LAMA5: variants seen among roughly 807,000 people sequenced by gnomAD.
The protein encoded by LAMA5 is laminin subunit alpha 5.
In LAMA5, 260 loss-of-function variants were observed where a neutral mutation model predicts 433.4. The ratio of observed to expected loss-of-function variants is 0.60; its 90% CI spans 0.54 to 0.66. The LOEUF is 0.66. Ranked by LOEUF, LAMA5 falls within the 30% of genes least tolerant of loss-of-function variation. The pLI is 0.00. For missense variants in LAMA5, 5,378 were observed against 5,258.5 expected (o/e 1.02, Z -0.70); for synonymous variants, 2,620 against 2,226.6 (o/e 1.18, Z -4.97).
intron 18 of LAMA5, among the ~76,000 whole-genome samples, 180 bp downstream of exon 18, chr20:62,336,160 T>C (rs1440549965): frequency 6.8e-5 from 8 of 117,930 alleles, no homozygotes; most frequent in East Asian, 2.8e-4. Flanking sequence ...AACATTCCCT[T>C]CAGGGCACAC....
intron 46 of LAMA5, 27 bp from the exon 47 acceptor site, chr20:62,322,476 G>A: frequency 6.4e-7 from 1 of 1,554,982 alleles, no homozygotes; most frequent in Non-Finnish European, 8.7e-7. Flanking sequence ...TCACTGCCCT[G>A]CCCAGCCCTC....
intron 48 of LAMA5, among the ~76,000 whole-genome samples, chr20:62,321,227 G>A (rs1413911520): frequency 8.0e-6 from 1 of 124,340 alleles, no homozygotes; most frequent in African/African-American, 3.2e-5. Flanking sequence ...GCCAGTGGAG[G>A]AGGCGGGGCC....
rs1986846836 is a variant in LAMA5 at position 62,367,279 on chromosome 20, G to A, written c.-34C>T. 1 of 1,143,994 alleles carries A rather than the reference G, an allele frequency of 8.7e-7. No individual in the cohort carries two copies. Among genetic ancestry groups the A allele is most frequent in the Non-Finnish European group, 1.1e-6 (1 of 932,266 alleles). 70.9% of individuals were successfully genotyped at this position (1,143,994 alleles called of 1,614,324 possible). ...CTCCGGGCCGCGTCCCCGAGCTCCA[G>A]GGACAGCGCGCGCGGCGGGAGCCCG... On this transcript the variant is annotated 5_prime_UTR_variant, in exon 1 of 80. Coordinates refer to ENST00000252999, the MANE Select transcript of LAMA5 (RefSeq NM_005560.6).
chr20:62,353,858 C>A (rs1044546628), intron 2 of LAMA5, among the ~76,000 whole-genome samples: 6 of 152,154 alleles, frequency 3.9e-5, no homozygotes, highest in African/African-American at 1.4e-4. Context: ...CCCACTGAGC[C>A]CCCAGGGACT....
At position 62,324,807 on chromosome 20, in the gene LAMA5, G is replaced by A; in HGVS notation, c.5530-253C>T. On this transcript the variant is annotated intron_variant, in intron 41 of 79. Coordinates refer to ENST00000252999, the MANE Select transcript of LAMA5 (RefSeq NM_005560.6). The surrounding 1 kb of genome is among the most constrained non-coding windows in gnomAD (Gnocchi z 4.4). The stretch of plus-strand genomic sequence containing the variant: ...GGATGTCCTGTCTCGGGAATGACCA[G>A]GCCTTGGGGCTGGTGACCACCCACT... The A allele has an allele frequency of 3.9e-6, 2 of 517,986 alleles. No individual in the cohort carries two copies. Among genetic ancestry groups the A allele is most frequent in the Non-Finnish European group, 7.0e-6 (2 of 284,748 alleles). 32.1% of individuals were successfully genotyped at this position (517,986 alleles called of 1,614,324 possible). A position where few individuals can be genotyped will look rare whatever the true frequency, so the allele number is the denominator to read the frequency against.
chr20:62,330,344 A>G, intron 31 of LAMA5, 144 bp downstream of exon 31: 1 of 1,224,604 alleles, frequency 8.2e-7, no homozygotes, highest in Non-Finnish European at 1.1e-6. Flanking sequence ...TGCGGGCTGC[A>G]AGGGCAGCTA....
At position 62,314,915 on chromosome 20, in the gene LAMA5, G is replaced by A. The variant is rs1804504630; in HGVS notation, c.8080C>T (p.Leu2694=). The change falls in exon 60 of 80, where the codon CTG becomes TTG. Residue 2694 remains leucine, a synonymous_variant. Coordinates refer to ENST00000252999, the MANE Select transcript of LAMA5 (RefSeq NM_005560.6). ...STLEKTLPQL[L]AKLSILENRG... ...TTCTCCAGGATGCTCAGCTTGGCCAGCAGCTGGGGCAGCGTCTTCTCCAGG... is the reference window on the plus strand; with the variant it reads ...TTCTCCAGGATGCTCAGCTTGGCCAACAGCTGGGGCAGCGTCTTCTCCAGG... The A allele has an allele frequency of 6.2e-7, 1 of 1,606,602 alleles. No homozygotes were observed. The highest frequency in any genetic ancestry group is 1.3e-5 in the African/African-American group (1 of 74,892).
Position 62,340,994 on chromosome 20 carries a change from G to A in LAMA5, c.1478-2386C>T, listed in dbSNP as rs982302794. 4.6e-5 allele frequency among the ~76,000 whole-genome samples: 7 copies of A among 152,026 alleles called. No homozygotes were observed. In the East Asian group the frequency reaches 9.7e-4, roughly 21 times the overall value. Reference sequence around the variant, plus strand: ...GTGGTGGTTGCAGTGAGCCGAGATCGTGCAACTGGACGCCAGCCTGGGTGA... The same window carrying A: ...GTGGTGGTTGCAGTGAGCCGAGATCATGCAACTGGACGCCAGCCTGGGTGA... On this transcript the variant is annotated intron_variant, in intron 11 of 79. Coordinates refer to ENST00000252999, the MANE Select transcript of LAMA5 (RefSeq NM_005560.6).
Position 62,310,788 on chromosome 20 carries a change from C to A in LAMA5, c.10323G>T (p.Thr3441=). Residue 3441 remains threonine (T), a synonymous_variant, in exon 75 of 80, where the codon ACG becomes ACT. Transcript: ENST00000252999. ...RWEKNRILLV[T]DGARAWSQEG... is the part of the protein sequence containing the mutation. ...CCTGGCTCCAGGCCCGGGCCCCGTC[C>A]GTCACCAGCAGGATCCGGTTCTTCT... 1 of 1,552,932 alleles carries A rather than the reference C, an allele frequency of 6.4e-7. No individual in the cohort carries two copies. The highest frequency in any genetic ancestry group is 1.2e-5 in the South Asian group (1 of 83,076).
chr20:62,318,901 G>T lies in LAMA5; in HGVS notation c.6984C>A (p.Ala2328=). The T allele has an allele frequency of 6.2e-7, 1 of 1,606,038 alleles. No homozygotes were observed. The highest frequency in any genetic ancestry group is 1.1e-5 in the South Asian group (1 of 90,508). Residue 2328 remains alanine, a synonymous_variant, in exon 52 of 80, where the codon GCC becomes GCA. Coordinates refer to ENST00000252999, the MANE Select transcript of LAMA5 (RefSeq NM_005560.6). Reference sequence around the variant, plus strand: ...CTGCCTGCGGGGCCCCCAGGTCCCGGGCCCGCATCTCCCAGAGCAGCCGCT... The same window carrying T: ...CTGCCTGCGGGGCCCCCAGGTCCCGTGCCCGCATCTCCCAGAGCAGCCGCT... ...EVERLLWEMR[A]RDLGAPQAAA...
Position 62,309,452 on chromosome 20 carries a change from G to GC in LAMA5, c.10971dup (p.Pro3658AlafsTer74). On this transcript the variant is annotated frameshift_variant, in exon 80 of 80. Coordinates refer to ENST00000252999, the MANE Select transcript of LAMA5 (RefSeq NM_005560.6). LOFTEE classifies it low-confidence loss of function (END_TRUNC). ...CTCATGCAGCCGCAGTAGGCGGGGG[G>GC]CCAGGGCTGCACGGCCATGGGCTCT... 1.9e-6 allele frequency: 3 copies of GC among 1,583,292 alleles called. No individual in the cohort carries two copies. The highest frequency in any genetic ancestry group is 2.6e-6 in the Non-Finnish European group (3 of 1,174,258).
At chr20:62,321,020 G>A (rs1184023498) in intron 48 of LAMA5, 130 bp from the exon 49 acceptor site, 2 of 965,812 alleles carry the variant, frequency 2.1e-6, no homozygotes, top group Non-Finnish European at 1.5e-6. Flanking sequence ...TAGGGACACA[G>A]GACCTGTGGG....
intron 1 of LAMA5, among the ~76,000 whole-genome samples, chr20:62,364,365 A>T (rs936250139): frequency 6.6e-6 from 1 of 152,200 alleles, no homozygotes; most frequent in Non-Finnish European, 1.5e-5. Flanking sequence ...ACACACGAGC[A>T]GCAGAGGGAA....
rs751550887 is a variant in LAMA5 at position 62,334,345 on chromosome 20, G to A, written c.2583-3C>T. 13 of 1,593,330 alleles carry A rather than the reference G, an allele frequency of 8.2e-6. No individual in the cohort carries two copies. In the East Asian group the frequency reaches 1.8e-4, roughly 22 times the overall value. On this transcript the variant is annotated splice_region_variant and splice_polypyrimidine_tract_variant and intron_variant, in intron 21 of 79. Transcript: ENST00000252999. The stretch of plus-strand genomic sequence containing the variant: ...GGAGGTAGTGGTCCCTCGCAGGCCT[G>A]GCCACAGCAGGGGCTGGTCAGGTGC...
intron 1 of LAMA5, among the ~76,000 whole-genome samples, chr20:62,364,589 G>GA (rs758509530): frequency 6.6e-6 from 1 of 152,198 alleles, no homozygotes; most frequent in Non-Finnish European, 1.5e-5. Context: ...ACAGAGCTAG[G>GA]AAACAGCAGA....
intron 32 of LAMA5, 60 bp downstream of exon 32, chr20:62,329,717 A>G (rs182951536): frequency 1.3e-6 from 2 of 1,590,386 alleles, no homozygotes; most frequent in East Asian, 4.5e-5. Flanking sequence ...AGTGTACCAC[A>G]GTGGTAATGA....
In LAMA5 at chr20:62,346,762, C is replaced by A. The variant is rs370545050; in HGVS notation, c.1111G>T (p.Asp371Tyr). 6.2e-7 allele frequency: 1 copy of A among 1,612,820 alleles called. No homozygotes were observed. The highest frequency in any genetic ancestry group is 8.5e-7 in the Non-Finnish European group (1 of 1,179,762). Reference sequence around the variant, plus strand: ...GCGCGGCGCCGGTCCACCTCAGGGTCGTAGTAACAGTCGGTGGCATGGCCG... The same window carrying A: ...GCGCGGCGCCGGTCCACCTCAGGGTAGTAGTAACAGTCGGTGGCATGGCCG... Reference protein sequence around the residue: ...CYGHATDCYYDPEVDRRRASQ... With the variant: ...CYGHATDCYYYPEVDRRRASQ... Residue 371 changes from aspartate to tyrosine, a missense_variant, in exon 8 of 80, where the codon GAC (aspartate) becomes TAC (tyrosine). Transcript: ENST00000252999.
At position 62,317,724 on chromosome 20, in the gene LAMA5, C is replaced by A. The variant is rs1987111067; in HGVS notation, c.7294G>T (p.Ala2432Ser). The A allele has an allele frequency of 6.2e-7, 1 of 1,607,410 alleles. No individual in the cohort carries two copies. Among genetic ancestry groups the A allele is most frequent in the African/African-American group, 1.3e-5 (1 of 74,486 alleles). Residue 2432 changes from alanine to serine, a missense_variant, in exon 54 of 80, where the codon GCG becomes TCG. Ala to Ser is a moderately conservative substitution (Grantham distance 99). Coordinates refer to ENST00000252999, the MANE Select transcript of LAMA5 (RefSeq NM_005560.6). ...ACGCTGGCCAGGGTGTCCCTAGCCG[C>A]ATGCAGAGTGGCCTGCAGGGTGGCA... is the stretch of plus-strand genomic sequence containing the variant. Reference protein sequence around the residue: ...DNATLQATLHAARDTLASVFR... With the variant: ...DNATLQATLHSARDTLASVFR...
chr20:62,330,546 C>T lies in LAMA5; in HGVS notation c.3921G>A (p.Gln1307=), dbSNP rs1162507742. 1 of 1,585,578 alleles carries T rather than the reference C, an allele frequency of 6.3e-7. No homozygotes were observed. Among genetic ancestry groups the T allele is most frequent in the Admixed American group, 1.8e-5 (1 of 54,624 alleles). ...GRYAFLLHGY[Q]PAHPTFPVEV... is the part of the protein sequence containing the mutation. ...CCACGGGGAAGGTGGGGTGGGCTGG[C>T]TGGTAGCCGTGCAGCAGGAAGGCAT... The change falls in exon 31 of 80, where the codon CAG becomes CAA. Residue 1307 remains glutamine, a synonymous_variant. Transcript: ENST00000252999.
Sources: allele counts gnomAD v4.1 joint callset (sites outside exome capture counted in the v4.1 genomes callset), GRCh38; gene constraint gnomAD v4.1.1; non-coding constraint Gnocchi (gnomAD v3.1); transcripts MANE v1.5; gene names NCBI Gene and HGNC (gene_info 2026-07-23, HGNC 2026-07-21).